Variants in CKS1B observed in about 807,000 individuals in gnomAD.
The protein encoded by CKS1B is cyclin-dependent kinases regulatory subunit 1.
Under a neutral mutation model 12.2 loss-of-function variants are expected in CKS1B, and 5 were observed. The observed-to-expected ratio is 0.41, with a 90% confidence interval of 0.21 to 0.86. The LOEUF (loss-of-function observed/expected upper bound fraction) is 0.86. CKS1B is among the 40% of genes least tolerant of loss of function. The pLI is 0.32. For synonymous variants in CKS1B, 24 were observed against 34.4 expected (o/e 0.70, Z 1.06); for missense variants, 53 against 99.9 (o/e 0.53, Z 2.00).
intron 1 of CKS1B, chr1:154,975,502 G>T (rs1657143445): frequency 6.3e-6 from 1 of 159,178 alleles, no homozygotes; most frequent in African/African-American, 2.4e-5. Flanking sequence ...ACAGACACCA[G>T]AAAGGTGACA....
In CKS1B at chr1:154,974,913, G is replaced by T. The variant is rs749009486; in HGVS notation, c.59+109G>T. ...GATAGAATTGGCGCATGCGTACGAG[G>T]TGCGAACGGGCAATGGTGTGATATT... On this transcript the variant is annotated intron_variant, in intron 1 of 2. Transcript: ENST00000308987. 7 of 1,613,874 alleles carry T rather than the reference G, an allele frequency of 4.3e-6. No homozygotes were observed. In the African/African-American group the frequency reaches 5.3e-5, roughly 12 times the overall value.
In CKS1B at chr1:154,974,827, T is replaced by C. The variant is rs775807843; in HGVS notation, c.59+23T>C. 7 of 1,613,844 alleles carry C rather than the reference T, an allele frequency of 4.3e-6. No homozygotes were observed. In the African/African-American group the frequency reaches 5.3e-5, roughly 12 times the overall value. On this transcript the variant is annotated intron_variant, in intron 1 of 2. Transcript: ENST00000308987. Reference sequence around the variant, plus strand: ...TCGGTTAGTGCTGGCGCGGGAGCAATAGCGAGGGTCGTGAGCTTTGGCCGC... The same window carrying C: ...TCGGTTAGTGCTGGCGCGGGAGCAACAGCGAGGGTCGTGAGCTTTGGCCGC...
intron 2 of CKS1B, 174 bp downstream of exon 2, chr1:154,978,288 C>G: frequency 1.5e-6 from 1 of 657,650 alleles, no homozygotes; most frequent in Non-Finnish European, 2.5e-6. Flanking sequence ...ACTAAAATAT[C>G]TGGGAAGTTC....
chr1:154,975,681 C>T (rs1657155087), intron 1 of CKS1B: 2 of 154,810 alleles, frequency 1.3e-5, no homozygotes, highest in African/African-American at 2.4e-5. Context: ...TCCCCCATCC[C>T]ACGCTTCGAG....
intron 1 of CKS1B, chr1:154,975,009 C>A: frequency 7.0e-7 from 1 of 1,438,014 alleles, no homozygotes; most frequent in Non-Finnish European, 9.8e-7. Context: ...AATTTGGAGT[C>A]GCCTCTCAGT....
At chr1:154,977,695 T>C (rs978413059) in intron 1 of CKS1B, 2 of 327,292 alleles carry the variant, frequency 6.1e-6, no homozygotes, top group Admixed American at 4.6e-5. Flanking sequence ...TCCCATTATG[T>C]TGTAGATAAT....
chr1:154,976,967 C>A (rs2102229368), intron 1 of CKS1B, among the ~76,000 whole-genome samples: 1 of 152,098 alleles, frequency 6.6e-6, no homozygotes, highest in African/African-American at 2.4e-5. Context: ...ACGGAATTTA[C>A]CCAGAAAGTC....
intron 1 of CKS1B, chr1:154,975,249 C>T (rs1657131181): frequency 2.0e-6 from 1 of 492,680 alleles, no homozygotes; most frequent in Non-Finnish European, 3.6e-6. Flanking sequence ...CTTATTAACT[C>T]GTGAAAAAGA....
chr1:154,975,630 G>A (rs1432444866), intron 1 of CKS1B: 4 of 154,938 alleles, frequency 2.6e-5, no homozygotes, highest in African/African-American at 9.6e-5. Flanking sequence ...TTGAGGTGGG[G>A]CTAGAAAGTC....
chr1:154,978,217 G>A, intron 2 of CKS1B, 103 bp downstream of exon 2: 1 of 1,192,938 alleles, frequency 8.4e-7, no homozygotes, highest in South Asian at 2.0e-5. Context: ...TGGTTTACTG[G>A]TTCCTTCCCC....
intron 1 of CKS1B, 151 bp downstream of exon 1, chr1:154,974,955 G>T: frequency 1.2e-6 from 2 of 1,611,770 alleles, no homozygotes; most frequent in East Asian, 2.2e-5. Context: ...GGCGTAAGGC[G>T]CATGCGCGGA....
Position 154,977,990 on chromosome 1 carries a change from T to A in CKS1B, c.63T>A (p.His21Gln). The A allele has an allele frequency of 6.2e-7, 1 of 1,613,240 alleles. No homozygotes were observed. The highest frequency in any genetic ancestry group is 8.5e-7 in the Non-Finnish European group (1 of 1,179,706). The change falls in exon 2 of 3, where the codon CAT (histidine) becomes CAA (glutamine). Residue 21 changes from histidine to glutamine, a missense_variant. By Grantham distance (24) the His-to-Gln change is conservative (BLOSUM62 0). Coordinates refer to ENST00000308987, the MANE Select transcript of CKS1B (RefSeq NM_001826.3). ...KYDDEEFEYR[H>Q]VMLPKDIAKL... The stretch of plus-strand genomic sequence containing the variant: ...CACTTCCCCGTTTCTGTTACAGACA[T>A]GTCATGCTGCCCAAGGACATAGCCA...
Position 154,978,744 on chromosome 1 carries a change from C to A in CKS1B, c.207C>A (p.Phe69Leu). 6.2e-7 allele frequency: 1 copy of A among 1,613,686 alleles called. No homozygotes were observed. The highest frequency in any genetic ancestry group is 8.5e-7 in the Non-Finnish European group (1 of 1,179,724). The stretch of plus-strand genomic sequence containing the variant: ...TTTCAGAACCTCACATCTTGCTGTT[C>A]CGGCGCCCACTACCCAAGAAACCAA... ...IHEPEPHILL[F>L]RRPLPKKPKK The change falls in exon 3 of 3, where the codon TTC becomes TTA. Residue 69 changes from phenylalanine to leucine, a missense_variant. By Grantham distance (22) the Phe-to-Leu change is conservative (BLOSUM62 0). Transcript: ENST00000308987.
chr1:154,975,054 T>A, intron 1 of CKS1B: 1 of 902,746 alleles, frequency 1.1e-6, no homozygotes, highest in Non-Finnish European at 1.8e-6. Context: ...GTTAGGGTAC[T>A]GACCACCCTC....
chr1:154,976,855 C>T (rs1347554643), intron 1 of CKS1B, among the ~76,000 whole-genome samples: 3 of 152,142 alleles, frequency 2.0e-5, no homozygotes, highest in African/African-American at 7.2e-5. Flanking sequence ...GAACTTAGTA[C>T]ATTTTCATTG....
At chr1:154,978,570 G>T in intron 2 of CKS1B, 155 bp from the exon 3 acceptor site, 2 of 647,394 alleles carry the variant, frequency 3.1e-6, no homozygotes, top group South Asian at 3.8e-5. Context: ...AGACAGTCCA[G>T]ACTTCTGGGT....
rs1447450446 is a variant in CKS1B, at chr1:154,979,057, A to T, written c.*280A>T. ...TATCCAGAACACACTTGGCAGATGG[A>T]GGAAGCATCTGAGTTTGAGACCATG... On this transcript the variant is annotated 3_prime_UTR_variant, in exon 3 of 3. Transcript: ENST00000308987. The T allele has an allele frequency of 2.5e-6, 1 of 398,890 alleles. No homozygotes were observed. Among genetic ancestry groups the T allele is most frequent in the East Asian group, 4.8e-5 (1 of 20,740 alleles). 24.7% of individuals were successfully genotyped at this position (398,890 alleles called of 1,614,324 possible).
At chr1:154,978,345 C>A (rs1657241385) in intron 2 of CKS1B, 2 of 551,064 alleles carry the variant, frequency 3.6e-6, no homozygotes. Flanking sequence ...TTCATTCAAT[C>A]AGAGGGTATT....
intron 1 of CKS1B, among the ~76,000 whole-genome samples, chr1:154,976,221 G>GC (rs1284660677): frequency 6.6e-6 from 1 of 152,220 alleles, no homozygotes; most frequent in Non-Finnish European, 1.5e-5. Context: ...ACACTGGATA[G>GC]CCATCTGCCA....
Sources: gnomAD v4.1 joint callset for allele counts (sites outside exome capture counted in the v4.1 genomes callset) on GRCh38, gnomAD v4.1.1 for gene constraint, MANE v1.5 for transcripts, NCBI Gene and HGNC (gene_info 2026-07-23, HGNC 2026-07-21) for gene names.